The following DLGAP2 variants were observed in gnomAD, a reference collection of about 807,000 sequenced individuals.
DLGAP2 encodes the protein disks large-associated protein 2.
DLGAP2 carries 26 observed loss-of-function variants against 100.3 expected under a neutral mutation model. The observed-to-expected ratio is 0.26, with a 90% CI of 0.19 to 0.36. The LOEUF (loss-of-function observed/expected upper bound fraction) is 0.36. DLGAP2 is among the 10% of genes least tolerant of loss of function. The pLI is 1.00. For synonymous variants in DLGAP2, 886 were observed against 630.1 expected, an observed-to-expected ratio of 1.41 and a Z score of -6.08; for missense variants, 1,858 against 1,453.2, an observed-to-expected ratio of 1.28 and a Z score of -4.53.
chr8:1,234,874 C>T (rs1469981798), intron 2 of DLGAP2, among the ~76,000 whole-genome samples: 4 of 152,196 alleles, frequency 2.6e-5, no homozygotes, highest in African/African-American at 4.8e-5. Flanking sequence ...ACTGTCACAG[C>T]GCTGTGTCTA....
intron 4 of DLGAP2, among the ~76,000 whole-genome samples, chr8:1,543,421 C>G (rs972693276): frequency 6.6e-6 from 1 of 152,076 alleles, no homozygotes; most frequent in Non-Finnish European, 1.5e-5. Flanking sequence ...ATTGGGTTAT[C>G]CTAGCATTAT....
intron 3 of DLGAP2, among the ~76,000 whole-genome samples, chr8:1,438,402 G>A (rs1797714884): frequency 6.6e-6 from 1 of 152,064 alleles, no homozygotes. Flanking sequence ...CCATTTTAGT[G>A]CGTTGCTAAG....
intron 6 of DLGAP2, among the ~76,000 whole-genome samples, chr8:1,600,171 CT>C (rs1563248497): frequency 6.6e-6 from 1 of 151,900 alleles, no homozygotes; most frequent in Non-Finnish European, 1.5e-5. Flanking sequence ...GTTGAAAATT[CT>C]TTTTTTTAAG....
intron 3 of DLGAP2, among the ~76,000 whole-genome samples, chr8:1,346,389 C>T (rs1054721160): frequency 1.3e-4 from 20 of 151,604 alleles, no homozygotes; most frequent in African/African-American, 4.9e-4. Flanking sequence ...CCATACAGAG[C>T]TGCATTGCAC....
chr8:1,511,111 A>G (rs1225798629), intron 4 of DLGAP2, among the ~76,000 whole-genome samples: 1 of 152,272 alleles, frequency 6.6e-6, no homozygotes, highest in African/African-American at 2.4e-5. Context: ...TGGAACCGAA[A>G]ATAAATTTCC....
At chr8:1,575,751 G>A (rs777225518) in intron 6 of DLGAP2, among the ~76,000 whole-genome samples, 1 of 151,322 alleles carries the variant, frequency 6.6e-6, no homozygotes, top group Non-Finnish European at 1.5e-5. Flanking sequence ...AGTTTGCTCA[G>A]AATGATGGTT....
chr8:785,520 TGAGACCGGCTTCC>T (rs1821829722), intron 1 of DLGAP2, among the ~76,000 whole-genome samples: 1 of 137,266 alleles, frequency 7.3e-6, no homozygotes, highest in Non-Finnish European at 1.6e-5. Context: ...CAGGCCTTTC[TGAGACCGGCTTCC>T]CTCCTCCCCT....
At chr8:1,561,807 C>T (rs1363767946) in intron 5 of DLGAP2, among the ~76,000 whole-genome samples, 1 of 36,650 alleles carries the variant, frequency 2.7e-5, no homozygotes, top group Admixed American at 3.6e-4. Flanking sequence ...GGGGTGTCTG[C>T]ACCTCGTTAC....
chr8:1,701,150 C>G, intron 14 of DLGAP2, 38 bp from the exon 15 acceptor site: 3 of 1,540,942 alleles, frequency 1.9e-6, no homozygotes, highest in Non-Finnish European at 2.6e-6. Context: ...GGACCCTCCT[C>G]CGAGCACCTG....
chr8:1,188,425 A>G (rs1231405713), intron 2 of DLGAP2, among the ~76,000 whole-genome samples: 1 of 121,196 alleles, frequency 8.3e-6, no homozygotes, highest in Non-Finnish European at 1.6e-5. Flanking sequence ...AGAATCGCGC[A>G]CGCCCGGGAC....
chr8:1,676,436 C>A (rs570998898), intron 10 of DLGAP2, 97 bp from the exon 11 acceptor site: 1 of 1,281,974 alleles, frequency 7.8e-7, no homozygotes, highest in Non-Finnish European at 1.1e-6. Flanking sequence ...TAAACAAATG[C>A]GTAATTAATT....
rs755125569 is a variant in DLGAP2 at position 1,678,250 on chromosome 8, C to T, written c.2325C>T (p.Ala775=). ...TTAAACGTTCTAACAGCGTCACGGC[C>T]GCCGTCCAAGCTGACCTGGAGCTGG... ...GRFKRSNSVT[A]AVQADLELEG... is the part of the protein sequence containing the mutation. The change falls in exon 12 of 15, where the codon GCC becomes GCT. Residue 775 remains alanine (A), a synonymous_variant. Coordinates refer to ENST00000637795, the MANE Select transcript of DLGAP2 (RefSeq NM_001346810.2). The T allele has an allele frequency of 4.3e-6, 7 of 1,613,664 alleles. No homozygotes were observed. The South Asian group carries it at 4.4e-5, about 10-fold the overall frequency.
At chr8:1,417,824 G>A (rs1428134529) in intron 3 of DLGAP2, among the ~76,000 whole-genome samples, 1 of 152,168 alleles carries the variant, frequency 6.6e-6, no homozygotes. Flanking sequence ...TAATGCATTT[G>A]AAGAATTCGA....
At chr8:1,203,603 G>C (rs774356175) in intron 2 of DLGAP2, among the ~76,000 whole-genome samples, 1 of 152,136 alleles carries the variant, frequency 6.6e-6, no homozygotes. Flanking sequence ...TCAGCTTCTC[G>C]TTTGAATGTA....
chr8:1,202,050 CTGT>C (rs1797888206), intron 2 of DLGAP2, among the ~76,000 whole-genome samples: 1 of 148,416 alleles, frequency 6.7e-6, no homozygotes, highest in Admixed American at 6.8e-5. Flanking sequence ...CAGTATCTAT[CTGT>C]GTGATGTGTG....
At chr8:1,250,843 C>A (rs1024548210) in intron 2 of DLGAP2, among the ~76,000 whole-genome samples, 1 of 152,210 alleles carries the variant, frequency 6.6e-6, no homozygotes, top group Admixed American at 6.5e-5. Flanking sequence ...TTCCTGATTA[C>A]AGTCAGGCGC....
intron 1 of DLGAP2, among the ~76,000 whole-genome samples, chr8:855,193 G>A (rs970739239): frequency 6.6e-6 from 1 of 152,204 alleles, no homozygotes; most frequent in African/African-American, 2.4e-5. Context: ...GACACCTGCA[G>A]GCATTTATGT....
intron 1 of DLGAP2, among the ~76,000 whole-genome samples, chr8:817,234 T>C (rs1465278943): frequency 1.3e-5 from 2 of 152,234 alleles, no homozygotes; most frequent in Non-Finnish European, 2.9e-5. Flanking sequence ...AAGTTCTTTC[T>C]TCAGTTTGTT....
intron 4 of DLGAP2, among the ~76,000 whole-genome samples, chr8:1,507,287 C>T (rs963033361): frequency 2.4e-4 from 36 of 152,226 alleles, no homozygotes; most frequent in Non-Finnish European, 3.4e-4. Context: ...CTGCAGGTCC[C>T]GAGCCCTGTC....
Sources: allele counts gnomAD v4.1 joint callset (sites outside exome capture counted in the v4.1 genomes callset), GRCh38; gene constraint gnomAD v4.1.1; transcripts MANE v1.5; gene names NCBI Gene and HGNC (gene_info 2026-07-23, HGNC 2026-07-21).